MYT1L: variants seen among roughly 807,000 people sequenced by gnomAD.
MYT1L encodes the protein myelin transcription factor 1 like, also known as myelin transcription factor 1-like protein.
MYT1L carries 12 observed loss-of-function variants against 126.7 expected under a neutral mutation model. That is an observed-to-expected ratio of 0.09 (90% CI 0.06 to 0.15). MYT1L has a LOEUF of 0.15. Ranked by LOEUF, MYT1L falls within the 10% of genes least tolerant of loss-of-function variation. The pLI is 1.00. For synonymous variants in MYT1L, 541 were observed against 604.2 expected (o/e 0.90, Z 1.53); for missense variants, 979 against 1,585.2 (o/e 0.62, Z 6.49).
At position 1,932,037 on chromosome 2, in the gene MYT1L, C is replaced by T. The variant is rs145790325; in HGVS notation, c.506-8774G>A. ...ACTGCCCAAAAGCCTTCTTGACGAC[C>T]GAAAGGAAGCATGCAGGCCAGACAC... On this transcript the variant is annotated intron_variant, in intron 9 of 24. Transcript: ENST00000647738. 1.9e-4 allele frequency among the ~76,000 whole-genome samples: 29 copies of T among 152,144 alleles called. No individual in the cohort carries two copies. The East Asian group carries it at 3.9e-3, about 20-fold the overall frequency.
At chr2:2,023,313 T>C (rs1169241150) in intron 4 of MYT1L, among the ~76,000 whole-genome samples, 1 of 152,184 alleles carries the variant, frequency 6.6e-6, no homozygotes, top group Non-Finnish European at 1.5e-5. Context: ...ACTGTTCATC[T>C]CAGCTGTGCA....
Position 2,135,021 on chromosome 2 carries a change from T to C in MYT1L, c.-304+37851A>G, listed in dbSNP as rs1159967735. 5.3e-5 allele frequency among the ~76,000 whole-genome samples: 8 copies of C among 152,264 alleles called. No homozygotes were observed. The East Asian group carries it at 1.4e-3, about 26-fold the overall frequency. ...TCCTGGCTATTTCTATCTAATCCAC[T>C]CCACCAAATTCAGTTCCCTTCTCTG... is the stretch of plus-strand genomic sequence containing the variant. On this transcript the variant is annotated intron_variant, in intron 3 of 24. Coordinates refer to ENST00000647738, the MANE Select transcript of MYT1L (RefSeq NM_001303052.2).
At chr2:2,094,339 A>G (rs996962177) in intron 3 of MYT1L, among the ~76,000 whole-genome samples, 3 of 152,250 alleles carry the variant, frequency 2.0e-5, no homozygotes, top group African/African-American at 7.2e-5. Context: ...AACTGGTTCA[A>G]CCATTGTGGA....
chr2:2,048,872 G>C (rs1287640308), intron 4 of MYT1L, among the ~76,000 whole-genome samples: 8 of 152,098 alleles, frequency 5.3e-5, no homozygotes, highest in Non-Finnish European at 1.2e-4. Context: ...CAGTAGTTTG[G>C]CATCCTACTC....
intron 23 of MYT1L, 84 bp from the exon 24 acceptor site, chr2:1,792,548 G>T: frequency 7.0e-7 from 1 of 1,424,540 alleles, no homozygotes; most frequent in Non-Finnish European, 9.5e-7. Flanking sequence ...AGTCTACTGG[G>T]TGCGAAGAAG....
chr2:2,200,124 G>A (rs1003872389), intron 2 of MYT1L, among the ~76,000 whole-genome samples: 4 of 152,120 alleles, frequency 2.6e-5, no homozygotes, highest in Non-Finnish European at 5.9e-5. Context: ...GGCAGGTTTC[G>A]TGACAAGTGA....
chr2:2,139,704 G>A lies in MYT1L; in HGVS notation c.-304+33168C>T, dbSNP rs534644082. ...CATGTCCAGGCACCGGGAGACGTCC[G>A]CACTGCACAAGAGGCAGTTCTGTTC... On this transcript the variant is annotated intron_variant, in intron 3 of 24. Coordinates refer to ENST00000647738, the MANE Select transcript of MYT1L (RefSeq NM_001303052.2). Among the ~76,000 whole-genome samples the A allele has an allele frequency of 1.3e-4, 20 of 152,084 alleles. No individual in the cohort carries two copies. In the South Asian group the frequency reaches 3.3e-3, roughly 25 times the overall value.
rs2075677869 is a variant in MYT1L at position 2,080,269 on chromosome 2, T to A, written c.-303-26146A>T. On this transcript the variant is annotated intron_variant, in intron 3 of 24. Coordinates refer to ENST00000647738, the MANE Select transcript of MYT1L (RefSeq NM_001303052.2). ...TGTGTCCTTGGGTTAGGTGACGGCA[T>A]CTTAAATACACCACCAAAAACACAA... Among the ~76,000 whole-genome samples the A allele has an allele frequency of 3.3e-5, 5 of 151,968 alleles. No homozygotes were observed. In the South Asian group the frequency reaches 1.0e-3, roughly 32 times the overall value.
At chr2:2,133,193 AGGAAGATCACAGGACGGCAGTGT>A (rs1227640418) in intron 3 of MYT1L, among the ~76,000 whole-genome samples, 1 of 152,202 alleles carries the variant, frequency 6.6e-6, no homozygotes, top group Non-Finnish European at 1.5e-5. Flanking sequence ...TTAAAAGTTT[AGGAAGATCACAGGACGGCAGTGT>A]AAAGCGATGA....
chr2:1,869,369 T>C (rs1396366786), intron 18 of MYT1L, among the ~76,000 whole-genome samples: 2 of 152,236 alleles, frequency 1.3e-5, no homozygotes, highest in Non-Finnish European at 2.9e-5. Context: ...GGGGGTCTCA[T>C]GAGACCTGGC....
chr2:1,933,149 T>A (rs2055250477), intron 9 of MYT1L, among the ~76,000 whole-genome samples: 1 of 151,750 alleles, frequency 6.6e-6, no homozygotes, highest in South Asian at 2.1e-4. Context: ...CATCTAGGAA[T>A]CCAACTCATG....
chr2:1,838,113 C>T (rs1303440585), intron 21 of MYT1L, among the ~76,000 whole-genome samples: 1 of 151,998 alleles, frequency 6.6e-6, no homozygotes, highest in Non-Finnish European at 1.5e-5. Flanking sequence ...GGGGTTTCAC[C>T]ATGTTGGCCA....
intron 21 of MYT1L, among the ~76,000 whole-genome samples, chr2:1,814,807 A>G (rs990309812): frequency 6.6e-6 from 1 of 152,102 alleles, no homozygotes; most frequent in Non-Finnish European, 1.5e-5. Context: ...ATGAACGAAC[A>G]GCTCCTTAGT....
chr2:2,079,090 G>C (rs2075537079), intron 3 of MYT1L, among the ~76,000 whole-genome samples: 1 of 152,146 alleles, frequency 6.6e-6, no homozygotes, highest in Non-Finnish European at 1.5e-5. Flanking sequence ...CTGGTGTCTT[G>C]ATCTTGGACT....
chr2:1,915,141 G>C (rs1184437622), intron 11 of MYT1L, among the ~76,000 whole-genome samples: 1 of 152,226 alleles, frequency 6.6e-6, no homozygotes, highest in Non-Finnish European at 1.5e-5. Flanking sequence ...TCCTGACACA[G>C]TGTGCTGCTG....
At chr2:2,164,428 C>T (rs1480008215) in intron 3 of MYT1L, among the ~76,000 whole-genome samples, 2 of 152,116 alleles carry the variant, frequency 1.3e-5, no homozygotes, top group Non-Finnish European at 2.9e-5. Context: ...GTGGCTTGCA[C>T]GACTATGAAC....
rs1003060689 is a variant in MYT1L, at chr2:1,970,194, T to C, written c.152+8971A>G. ...CCCAGAGCCGGACTCAGGAGGGTCC[T>C]CATGATTACTGCCCGCTCTCCTCAA... On this transcript the variant is annotated intron_variant, in intron 8 of 24. Transcript: ENST00000647738. Among the ~76,000 whole-genome samples the C allele has an allele frequency of 3.9e-5, 6 of 152,282 alleles. No homozygotes were observed. In the East Asian group the frequency reaches 7.7e-4, roughly 20 times the overall value.
At chr2:2,295,935 G>T (rs918194642) in intron 1 of MYT1L, among the ~76,000 whole-genome samples, 3 of 145,214 alleles carry the variant, frequency 2.1e-5, no homozygotes. Context: ...GAGAGGTTGG[G>T]GGGGAGGAGA....
Position 1,912,211 on chromosome 2 carries a change from T to C in MYT1L, c.1619-101A>G. The stretch of plus-strand genomic sequence containing the variant: ...TTAACAAAGGCCAGGTCGCTCATGA[T>C]AGACAGTCCTACAAACGTTTGTGAT... On this transcript the variant is annotated intron_variant, in intron 11 of 24. Transcript: ENST00000647738. This position sits in a 1 kb window ranked among gnomAD's most constrained non-coding sequence, Gnocchi z 4.3. 1.4e-6 allele frequency: 1 copy of C among 731,838 alleles called. No individual in the cohort carries two copies. The highest frequency in any genetic ancestry group is 2.2e-6 in the Non-Finnish European group (1 of 462,142). 45.3% of individuals were successfully genotyped at this position (731,838 alleles called of 1,614,324 possible). A position where few individuals can be genotyped will look rare whatever the true frequency, so the allele number is the denominator to read the frequency against.
Sources: allele counts gnomAD v4.1 joint callset (sites outside exome capture counted in the v4.1 genomes callset), GRCh38; gene constraint gnomAD v4.1.1; non-coding constraint Gnocchi (gnomAD v3.1); transcripts MANE v1.5; gene names NCBI Gene and HGNC (gene_info 2026-07-23, HGNC 2026-07-21).